The following CKMT1B variants were observed in gnomAD, a reference collection of about 807,000 sequenced individuals.
CKMT1B encodes creatine kinase U-type, mitochondrial.
In CKMT1B, 13 loss-of-function variants were observed where a neutral mutation model predicts 21.8. The ratio of observed to expected loss-of-function variants is 0.60; its 90% confidence interval spans 0.39 to 0.95. CKMT1B has a LOEUF of 0.95. CKMT1B is among the 40% of genes least tolerant of loss of function. The pLI is 0.00. For synonymous variants in CKMT1B, 50 were observed against 80.3 expected, an observed-to-expected ratio of 0.62 and a Z score of 2.02; for missense variants, 157 against 227.5, an observed-to-expected ratio of 0.69 and a Z score of 1.99.
intron 6 of CKMT1B, among the ~76,000 whole-genome samples, chr15:43,596,809 A>C (rs1181316119): frequency 6.7e-6 from 1 of 149,702 alleles, no homozygotes; most frequent in Non-Finnish European, 1.5e-5. Context: ...GGAATAAATG[A>C]GATGGCACGT....
chr15:43,598,631 C>G (rs1000758407), intron 7 of CKMT1B, among the ~76,000 whole-genome samples, 196 bp from the exon 8 acceptor site: 2 of 147,016 alleles, frequency 1.4e-5, no homozygotes. Flanking sequence ...CCTGGGAAGT[C>G]GAGGCTTCAG....
chr15:43,598,159 T>G, intron 6 of CKMT1B, 34 bp from the exon 7 acceptor site: 1 of 1,608,728 alleles, frequency 6.2e-7, no homozygotes, highest in Non-Finnish European at 8.5e-7. Context: ...GAAATATCCC[T>G]GATTTTTCGT....
chr15:43,598,753 G>C, intron 7 of CKMT1B, 74 bp from the exon 8 acceptor site: 2 of 1,503,214 alleles, frequency 1.3e-6, no homozygotes, highest in Non-Finnish European at 1.8e-6. Flanking sequence ...GCTCTGAGCA[G>C]GTTCAGGGCT....
At position 43,598,407 on chromosome 15, in the gene CKMT1B, A is replaced by G. The variant is rs2614796; in HGVS notation, c.1011+80A>G. On this transcript the variant is annotated intron_variant, in intron 7 of 8. Transcript: ENST00000441322. The stretch of plus-strand genomic sequence containing the variant: ...ATGGGGAGGGAGTGGACCCTTTGGA[A>G]AGGAGCCAAACATGTTGTGGCTAAA... The G allele has an allele frequency of 8.9e-4, 1,411 of 1,593,838 alleles. 39 individuals are homozygous for G. In the South Asian group the frequency reaches 0.012, roughly 13 times the overall value.
At chr15:43,598,453 C>T (rs1188808470) in intron 7 of CKMT1B, 126 bp downstream of exon 7, 4 of 1,377,738 alleles carry the variant, frequency 2.9e-6, no homozygotes, top group Non-Finnish European at 4.0e-6. Flanking sequence ...ACAGGCCAGG[C>T]ACAGTGGCTC....
Position 43,596,665 on chromosome 15 carries a change from C to T in CKMT1B, c.876+134C>T, listed in dbSNP as rs564165376. ...TAAAAAGGACTATCTAGGACTCACT[C>T]CAGGACTAAAGGTGTAAACCAGCTG... is the stretch of plus-strand genomic sequence containing the variant. On this transcript the variant is annotated intron_variant, in intron 6 of 8. Transcript: ENST00000441322. The T allele has an allele frequency of 2.8e-6, 4 of 1,409,824 alleles. 1 individual carries two copies. In the East Asian group the frequency reaches 7.5e-5, roughly 26 times the overall value. 87.3% of individuals were successfully genotyped at this position (1,409,824 alleles called of 1,614,324 possible).
intron 8 of CKMT1B, 66 bp downstream of exon 8, chr15:43,599,018 G>A: frequency 6.2e-7 from 1 of 1,601,984 alleles, no homozygotes. Flanking sequence ...ATGGCAGTGA[G>A]TGAGCCTCCG....
At position 43,598,153 on chromosome 15, in the gene CKMT1B, T is replaced by C. The variant is rs1268581257; in HGVS notation, c.877-40T>C. 4 of 1,608,292 alleles carry C rather than the reference T, an allele frequency of 2.5e-6. No individual in the cohort carries two copies. In the Admixed American group the frequency reaches 6.7e-5, roughly 27 times the overall value. On this transcript the variant is annotated intron_variant, in intron 6 of 8. Coordinates refer to ENST00000441322, the MANE Select transcript of CKMT1B (RefSeq NM_001375484.1). Reference sequence around the variant, plus strand: ...AAGGGAGGGTCCAGGGTTAATGAAATATCCCTGATTTTTCGTTAACAAAAC... The same window carrying C: ...AAGGGAGGGTCCAGGGTTAATGAAACATCCCTGATTTTTCGTTAACAAAAC...
At position 43,598,967 on chromosome 15, in the gene CKMT1B, G is replaced by C. The variant is rs745935532; in HGVS notation, c.1137+15G>C. The C allele has an allele frequency of 1.2e-6, 2 of 1,610,920 alleles. No individual in the cohort carries two copies. The highest frequency in any genetic ancestry group is 1.7e-5 in the Admixed American group (1 of 59,886). ...GCAAATCAGAGGTGAGATCCTAAGG[G>C]ATTAGGACAAGGAGAGGTATAGGTC... On this transcript the variant is annotated intron_variant, in intron 8 of 8. Coordinates refer to ENST00000441322, the MANE Select transcript of CKMT1B (RefSeq NM_001375484.1).
In CKMT1B at chr15:43,596,490, A is replaced by T. The variant is rs772232119; in HGVS notation, c.835A>T (p.Met279Leu). 5.6e-6 allele frequency: 9 copies of T among 1,605,814 alleles called. No individual in the cohort carries two copies. The Admixed American group carries it at 1.5e-4, about 27-fold the overall frequency. ...GATCTCCATGGAGAAGGGTGGTAAC[A>T]TGAAGAGAGTGTTTGAAAGATTCTG... ...RVISMEKGGN[M>L]KRVFERFCRG... The change falls in exon 6 of 9, where the codon ATG (methionine) becomes TTG (leucine). Residue 279 changes from methionine to leucine, a missense_variant. By Grantham distance (15) the Met-to-Leu change is conservative. Transcript: ENST00000441322.
At chr15:43,596,822 G>A (rs1437775719) in intron 6 of CKMT1B, among the ~76,000 whole-genome samples, 3 of 149,614 alleles carry the variant, frequency 2.0e-5, no homozygotes, top group Non-Finnish European at 2.9e-5. Flanking sequence ...TGGCACGTCA[G>A]TGCCTGGGAT....
intron 6 of CKMT1B, chr15:43,597,684 A>C: frequency 1.0e-6 from 1 of 1,004,240 alleles, no homozygotes; most frequent in South Asian, 2.7e-5. Flanking sequence ...ATTCCTATGA[A>C]TCTGGCTTTT....
In CKMT1B at chr15:43,598,198, G is replaced by C; in HGVS notation, c.882G>C (p.Glu294Asp). The change falls in exon 7 of 9, where the codon GAG (glutamate) becomes GAC (aspartate). Residue 294 changes from glutamate to aspartate, a missense_variant. Glu to Asp is a conservative substitution (Grantham distance 45). Transcript: ENST00000441322. ...ERFCRGLKEVERLIQERGWEF... is the reference protein window; with the variant it reads ...ERFCRGLKEVDRLIQERGWEF... ...CAAAACCTTTGTGGACTCAGGTGGA[G>C]AGACTTATCCAAGAACGTGGCTGGG... The C allele has an allele frequency of 6.2e-7, 1 of 1,608,922 alleles. No homozygotes were observed. The highest frequency in any genetic ancestry group is 8.5e-7 in the Non-Finnish European group (1 of 1,179,732).
chr15:43,598,726 A>T, intron 7 of CKMT1B, 101 bp from the exon 8 acceptor site: 1 of 1,444,086 alleles, frequency 6.9e-7, no homozygotes, highest in Non-Finnish European at 9.1e-7. Flanking sequence ...AAGGAAAAAA[A>T]AAGTTCAGGA....
intron 7 of CKMT1B, 52 bp from the exon 8 acceptor site, chr15:43,598,775 G>A (rs919925045): frequency 2.8e-5 from 44 of 1,558,930 alleles, no homozygotes; most frequent in Non-Finnish European, 3.6e-5. Context: ...TTTCAGGTAG[G>A]ACTAGTCTCT....
chr15:43,598,873 G>T lies in CKMT1B; in HGVS notation c.1058G>T (p.Arg353Leu). 2.5e-6 allele frequency: 4 copies of T among 1,608,942 alleles called. No individual in the cohort carries two copies. The highest frequency in any genetic ancestry group is 3.4e-6 in the Non-Finnish European group (4 of 1,179,516). The change falls in exon 8 of 9, where the codon CGT (arginine) becomes CTT (leucine). Residue 353 changes from arginine to leucine, a missense_variant. Transcript: ENST00000441322. The stretch of plus-strand genomic sequence containing the variant: ...CTGGAGAACCTAAGACTCCAAAAAC[G>T]TGGTACTGGAGGAGTGGACACTGCT... ...KILENLRLQK[R>L]GTGGVDTAAT...
At chr15:43,598,714 A>G in intron 7 of CKMT1B, 113 bp from the exon 8 acceptor site, 9 of 1,423,354 alleles carry the variant, frequency 6.3e-6, no homozygotes, top group Non-Finnish European at 8.4e-6. Flanking sequence ...GAAAAAAGAA[A>G]AAAGGAAAAA....
intron 6 of CKMT1B, chr15:43,597,790 C>T: frequency 9.7e-7 from 1 of 1,034,682 alleles, no homozygotes; most frequent in Non-Finnish European, 1.2e-6. Context: ...CTTACACCTT[C>T]ATCTTCTGTC....
intron 6 of CKMT1B, chr15:43,597,838 G>A: frequency 8.7e-7 from 1 of 1,155,014 alleles, no homozygotes; most frequent in Non-Finnish European, 1.1e-6. Context: ...CATTAGCAAA[G>A]CAAAGATAAT....
Sources: gnomAD v4.1 joint callset for allele counts (sites outside exome capture counted in the v4.1 genomes callset) on GRCh38, gnomAD v4.1.1 for gene constraint, MANE v1.5 for transcripts, NCBI Gene and HGNC (gene_info 2026-07-23, HGNC 2026-07-21) for gene names.